DDX31: variants seen among roughly 807,000 people sequenced by gnomAD.
The protein encoded by DDX31 is DEAD-box helicase 31.
In DDX31, 70 loss-of-function variants were observed where a neutral mutation model predicts 91.3. That is an observed-to-expected ratio of 0.77 (90% CI 0.63 to 0.94). DDX31 has a LOEUF of 0.94. Among genes scored for constraint, DDX31 ranks in the 40% least tolerant of loss-of-function variants. The pLI is 0.00. For missense variants in DDX31, 902 were observed against 925.0 expected, an observed-to-expected ratio of 0.98 and a Z score of 0.32; for synonymous variants, 362 against 350.6, an observed-to-expected ratio of 1.03 and a Z score of -0.36.
chr9:132,613,458 C>T (rs1053877803), intron 18 of DDX31, among the ~76,000 whole-genome samples: 2 of 152,130 alleles, frequency 1.3e-5, no homozygotes, highest in African/African-American at 4.8e-5. Flanking sequence ...CTTTGGGAGG[C>T]CAAGTCGGGG....
intron 1 of DDX31, among the ~76,000 whole-genome samples, chr9:132,669,363 G>A (rs1372392799): frequency 6.7e-6 from 1 of 150,058 alleles, no homozygotes; most frequent in African/African-American, 2.5e-5. Context: ...TTAGGCCAGA[G>A]CCAGTTTGGA....
At chr9:132,668,692 C>A (rs1182779942) in intron 1 of DDX31, among the ~76,000 whole-genome samples, 1 of 151,936 alleles carries the variant, frequency 6.6e-6, no homozygotes, top group Non-Finnish European at 1.5e-5. Flanking sequence ...CTCAGCCTCC[C>A]GAGTAGCTGG....
intron 19 of DDX31, among the ~76,000 whole-genome samples, chr9:132,596,314 C>G (rs1427368262): frequency 6.6e-6 from 1 of 152,196 alleles, no homozygotes; most frequent in African/African-American, 2.4e-5. Context: ...AGCAATAATA[C>G]CTGTTTCTAA....
Position 132,618,437 on chromosome 9 carries a change from G to A in DDX31, c.1718C>T (p.Ser573Phe), listed in dbSNP as rs1831788170. 6.2e-7 allele frequency: 1 copy of A among 1,609,728 alleles called. No homozygotes were observed. The highest frequency in any genetic ancestry group is 2.2e-5 in the East Asian group (1 of 44,668). ...GATTTCCTGGGGGCCAACAGCATGG[G>A]ATTTCTGAGAGGGCGACGGAAGGAT... The part of the protein sequence containing the change: ...FKGKRWGAQK[S>F]HAVGPQEIRE... Residue 573 changes from serine to phenylalanine, a missense_variant, in exon 18 of 20, where the codon TCC becomes TTC. By Grantham distance (155) the Ser-to-Phe change is radical (BLOSUM62 -2). Coordinates refer to ENST00000372159, the MANE Select transcript of DDX31 (RefSeq NM_022779.9).
At chr9:132,639,337 C>T (rs1833340477) in intron 14 of DDX31, among the ~76,000 whole-genome samples, 1 of 152,066 alleles carries the variant, frequency 6.6e-6, no homozygotes, top group Admixed American at 6.6e-5. Context: ...AGCTCTTCTC[C>T]AGTCATCTTC....
At chr9:132,669,754 C>G (rs543695351) in intron 1 of DDX31, 106 bp downstream of exon 1, 1 of 1,525,658 alleles carries the variant, frequency 6.6e-7, no homozygotes, top group African/African-American at 1.4e-5. Context: ...TCCCGCTTAA[C>G]TCCGTGAATG....
At chr9:132,669,824 G>A in intron 1 of DDX31, 36 bp downstream of exon 1, 5 of 1,540,996 alleles carry the variant, frequency 3.2e-6, no homozygotes, top group Non-Finnish European at 4.4e-6. Context: ...GCCGGGCCGC[G>A]GGTGGGGACG....
intron 4 of DDX31, chr9:132,661,005 G>GC: frequency 5.1e-6 from 3 of 583,544 alleles, no homozygotes; most frequent in Non-Finnish European, 9.1e-6. Context: ...AGAGCCAAGG[G>GC]CAGAACTGGA....
In DDX31 at chr9:132,631,911, C is replaced by T. The variant is rs138193514; in HGVS notation, c.1491+130G>A. 3.4e-3 allele frequency: 2,641 copies of T among 768,934 alleles called. 10 individuals carry two copies. The highest frequency in any genetic ancestry group is 5.0e-3 in the Non-Finnish European group (2,445 of 484,814). 47.6% of individuals were successfully genotyped at this position (768,934 alleles called of 1,614,324 possible). ...TGTCAGGGGAATTGAACAGATAAGG[C>T]TGGTTTGCTGCCTGGTTACCAGGGC... On this transcript the variant is annotated intron_variant, in intron 15 of 19. Transcript: ENST00000372159.
intron 19 of DDX31, among the ~76,000 whole-genome samples, chr9:132,599,436 G>T (rs904219113): frequency 6.6e-6 from 1 of 152,204 alleles, no homozygotes; most frequent in Non-Finnish European, 1.5e-5. Flanking sequence ...ATGTATACGT[G>T]CAAAGTCTGA....
At chr9:132,660,832 T>A (rs1323653009) in intron 4 of DDX31, among the ~76,000 whole-genome samples, 1 of 152,222 alleles carries the variant, frequency 6.6e-6, no homozygotes, top group Non-Finnish European at 1.5e-5. Flanking sequence ...TCCCACTCTA[T>A]CCAACTGAAC....
In DDX31 at chr9:132,611,482, C is replaced by A. The variant is rs531765377; in HGVS notation, c.1994+605G>T. Among the ~76,000 whole-genome samples, 5 of 152,310 alleles carry A rather than the reference C, an allele frequency of 3.3e-5. No individual in the cohort carries two copies. In the South Asian group the frequency reaches 6.2e-4, roughly 19 times the overall value. On this transcript the variant is annotated intron_variant, in intron 19 of 19. Transcript: ENST00000372159. ...ATCATCTCAGCACTGGGAAAACAGA[C>A]TCAGAGCCCAGCCTCGAACAGGGCA...
chr9:132,623,821 T>C (rs1461557586), intron 17 of DDX31, among the ~76,000 whole-genome samples: 1 of 151,984 alleles, frequency 6.6e-6, no homozygotes, highest in Non-Finnish European at 1.5e-5. Flanking sequence ...TCCCTGCTGA[T>C]CCCACAGAGC....
At chr9:132,634,869 A>AGAT (rs1486840110) in intron 14 of DDX31, among the ~76,000 whole-genome samples, 1 of 152,068 alleles carries the variant, frequency 6.6e-6, no homozygotes, top group Non-Finnish European at 1.5e-5. Flanking sequence ...CCACGCCTTA[A>AGAT]GATGCCTCTT....
chr9:132,661,132 T>C lies in DDX31; in HGVS notation c.452+76A>G, dbSNP rs1467751767. The C allele has an allele frequency of 6.0e-6, 8 of 1,329,092 alleles. No individual in the cohort carries two copies. The Admixed American group carries it at 1.1e-4, about 19-fold the overall frequency. The allele number at this position is 1,329,092 out of a possible 1,614,324, so 82.3% of individuals were successfully genotyped here. On this transcript the variant is annotated intron_variant, in intron 4 of 19. Transcript: ENST00000372159. The stretch of plus-strand genomic sequence containing the variant: ...CCAACGCCAAGACACAAATTTGCTC[T>C]GCCTTGCACACACAGGTTTCGTCCG...
chr9:132,639,020 C>CT (rs1833309340), intron 14 of DDX31, among the ~76,000 whole-genome samples: 1 of 152,176 alleles, frequency 6.6e-6, no homozygotes, highest in East Asian at 1.9e-4. Context: ...CTCCATCTGT[C>CT]TCGTCCTGAA....
At chr9:132,658,075 T>C in intron 6 of DDX31, 2 of 528,004 alleles carry the variant, frequency 3.8e-6, no homozygotes, top group South Asian at 6.5e-5. Context: ...GACTCAAGCA[T>C]GAATGGATAG....
rs1043478141 is a variant in DDX31 at position 132,593,011 on chromosome 9, A to G, written c.*1855T>C. The G allele has an allele frequency of 6.6e-6, 1 of 152,160 alleles. No homozygotes were observed. The highest frequency in any genetic ancestry group is 1.9e-4 in the East Asian group (1 of 5,206). The allele number at this position is 152,160 out of a possible 1,614,324, so 9.4% of individuals were successfully genotyped here. ...AAGAGCCATAATAGAAGAGAAAGAG[A>G]TTTATTTTAAGGTTATTTAAATTTA... On this transcript the variant is annotated 3_prime_UTR_variant, in exon 20 of 20. Coordinates refer to ENST00000372159, the MANE Select transcript of DDX31 (RefSeq NM_022779.9).
intron 17 of DDX31, among the ~76,000 whole-genome samples, chr9:132,620,301 G>A (rs1483194182): frequency 6.6e-6 from 1 of 151,906 alleles, no homozygotes; most frequent in South Asian, 2.1e-4. Flanking sequence ...TAAGTGACAG[G>A]TGACTTGCTT....
Sources: allele counts gnomAD v4.1 joint callset (sites outside exome capture counted in the v4.1 genomes callset), GRCh38; gene constraint gnomAD v4.1.1; transcripts MANE v1.5; gene names NCBI Gene and HGNC (gene_info 2026-07-23, HGNC 2026-07-21).